RNF213: variants seen among roughly 807,000 people sequenced by gnomAD.
RNF213 encodes the protein ring finger protein 213, also known as E3 ubiquitin-protein ligase RNF213.
Under a neutral mutation model 514.4 loss-of-function variants are expected in RNF213, and 341 were observed. That is an observed-to-expected ratio of 0.66 (90% CI 0.61 to 0.73). RNF213 has a LOEUF of 0.73. Ranked by LOEUF, RNF213 falls within the 30% of genes least tolerant of loss-of-function variation. The pLI, the probability that RNF213 is intolerant of heterozygous loss-of-function variation, is 0.00. For missense variants in RNF213, 5,767 were observed against 6,615.6 expected, an observed-to-expected ratio of 0.87 and a Z score of 4.45; for synonymous variants, 2,655 against 2,658.2, an observed-to-expected ratio of 1.00 and a Z score of 0.04.
Position 80,306,298 on chromosome 17 carries a change from A to G in RNF213, c.2257A>G (p.Ile753Val). 1.2e-6 allele frequency: 2 copies of G among 1,614,132 alleles called. No homozygotes were observed. The highest frequency in any genetic ancestry group is 1.6e-4 in the Middle Eastern group (1 of 6,062). The change falls in exon 12 of 68, where the codon ATA becomes GTA. Residue 753 changes from isoleucine to valine, a missense_variant. Coordinates refer to ENST00000582970, the MANE Select transcript of RNF213 (RefSeq NM_001256071.3). ...GAGAGAGAAGCAGCATTTGCTGAGC[A>G]TAGACGAGCCTCTCTTCCGGTCCTG... The part of the protein sequence containing the change: ...FMREKQHLLS[I>V]DEPLFRSWFS...
chr17:80,294,895 G>A lies in RNF213; in HGVS notation c.1647G>A (p.Leu549=). Residue 549 remains leucine (L), a synonymous_variant, in exon 9 of 68, where the codon CTG becomes CTA. Coordinates refer to ENST00000582970, the MANE Select transcript of RNF213 (RefSeq NM_001256071.3). ...TGCAGACCTGGGACACCATCAACCT[G>A]AACAGCTTCTTCACCCAGTTCGAGC... The part of the protein sequence containing the change: ...SILQTWDTIN[L]NSFFTQFEQF... The A allele has an allele frequency of 6.2e-7, 1 of 1,614,200 alleles. No individual in the cohort carries two copies. Among genetic ancestry groups the A allele is most frequent in the African/African-American group, 1.3e-5 (1 of 75,042 alleles).
chr17:80,364,340 C>T (rs775188681), intron 41 of RNF213, 93 bp from the exon 42 acceptor site: 50 of 1,577,294 alleles, frequency 3.2e-5, no homozygotes, highest in Non-Finnish European at 4.0e-5. Context: ...GACCCCGGGT[C>T]CCGCATCTCT....
intron 59 of RNF213, among the ~76,000 whole-genome samples, chr17:80,384,536 C>A (rs1401092144): frequency 6.6e-6 from 1 of 152,190 alleles, no homozygotes; most frequent in Non-Finnish European, 1.5e-5. Flanking sequence ...GAGTTGGAAA[C>A]TTCTGTTGGT....
chr17:80,338,176 C>T (rs1055912324), intron 25 of RNF213, among the ~76,000 whole-genome samples, 179 bp downstream of exon 25: 9 of 152,070 alleles, frequency 5.9e-5, no homozygotes, highest in Non-Finnish European at 1.2e-4. Context: ...AACTCTAGTC[C>T]GCGGCCCCAG....
intron 37 of RNF213, among the ~76,000 whole-genome samples, chr17:80,359,586 G>GAGAA (rs1020015034): frequency 3.1e-5 from 4 of 130,204 alleles, no homozygotes; most frequent in Non-Finnish European, 5.0e-5. Flanking sequence ...AAGGAAGAAA[G>GAGAA]AGAAAGAAAG....
Position 80,345,152 on chromosome 17 carries a change from A to G in RNF213, c.6817A>G (p.Ser2273Gly). Residue 2273 changes from serine to glycine, a missense_variant, in exon 29 of 68, where the codon AGC (serine) becomes GGC (glycine). Ser to Gly is a moderately conservative substitution (Grantham distance 56). Around this residue, in one of 13 missense-constraint regions of RNF213, gnomAD observed 1,377 missense variants for 1,635.2 expected, o/e 0.84. Transcript: ENST00000582970. The surrounding 1 kb of genome is among the most constrained non-coding windows in gnomAD (Gnocchi z 6.0). ...ATPSLHTSDQ[S>G]PGKHMVTMDG... is the part of the protein sequence containing the mutation. ...ACCATCACTCCACACCTCTGACCAA[A>G]GCCCGGGGAAGCACATGGTCACCAT... 3.7e-6 allele frequency: 6 copies of G among 1,614,106 alleles called. No individual in the cohort carries two copies. Among genetic ancestry groups the G allele is most frequent in the Non-Finnish European group, 5.1e-6 (6 of 1,180,012 alleles).
At chr17:80,362,399 G>T in intron 39 of RNF213, among the ~76,000 whole-genome samples, 1 of 152,240 alleles carries the variant, frequency 6.6e-6, no homozygotes, top group South Asian at 2.1e-4. Context: ...ATGGGTAAAC[G>T]TTATAAAACA....
rs1445903027 is a variant in RNF213, at chr17:80,363,657, A to C, written c.11617A>C (p.Asn3873His). ...AMACTEMLTRNTLKPSPQAWL... is the reference protein window; with the variant it reads ...AMACTEMLTRHTLKPSPQAWL... ...GGCCTGCACGGAGATGCTGACAAGAAACACCCTGAAGCCCAGTCCCCAGGC... is the reference window on the plus strand; with the variant it reads ...GGCCTGCACGGAGATGCTGACAAGACACACCCTGAAGCCCAGTCCCCAGGC... Residue 3873 changes from asparagine to histidine, a missense_variant, in exon 41 of 68, where the codon AAC (asparagine) becomes CAC (histidine). Asn to His is a moderately conservative substitution (Grantham distance 68, BLOSUM62 1). Transcript: ENST00000582970. 2 of 1,614,094 alleles carry C rather than the reference A, an allele frequency of 1.2e-6. No homozygotes were observed. Among genetic ancestry groups the C allele is most frequent in the Admixed American group, 3.3e-5 (2 of 60,034 alleles).
chr17:80,297,459 A>G (rs1215671158), intron 10 of RNF213, among the ~76,000 whole-genome samples: 1 of 150,212 alleles, frequency 6.7e-6, no homozygotes, highest in African/African-American at 2.5e-5. Context: ...CAAAAAAAAA[A>G]AAAAGTTGTT....
chr17:80,361,507 G>C (rs1160661705), intron 38 of RNF213, among the ~76,000 whole-genome samples: 2 of 152,156 alleles, frequency 1.3e-5, no homozygotes, highest in African/African-American at 2.4e-5. Context: ...CTGGGCAACA[G>C]AGTAAGACTC....
At chr17:80,382,779 T>TA (rs2080073513) in intron 57 of RNF213, 200 bp from the exon 58 acceptor site, 2 of 527,846 alleles carry the variant, frequency 3.8e-6, no homozygotes, top group African/African-American at 3.9e-5. Context: ...GAGGAATTTT[T>TA]AGAGATTGAT....
chr17:80,306,158 G>A (rs1336710263), intron 11 of RNF213, 94 bp from the exon 12 acceptor site: 12 of 1,209,220 alleles, frequency 9.9e-6, no homozygotes, highest in African/African-American at 7.5e-5. Flanking sequence ...TTTTGAATTC[G>A]GGACTGTTTC....
At position 80,340,275 on chromosome 17, in the gene RNF213, C is replaced by T. The variant is rs1039530871; in HGVS notation, c.5908C>T (p.Pro1970Ser). ...CTACCTGGCAGGTCACTACCGGGTC[C>T]CGAAGCAGACCCTGTCGGCGGCAGC... The part of the protein sequence containing the change: ...QAYLAGHYRV[P>S]KQTLSAAAVF... The change falls in exon 26 of 68, where the codon CCG becomes TCG. Residue 1970 changes from proline (P) to serine (S), a missense_variant. Transcript: ENST00000582970. The T allele has an allele frequency of 4.3e-6, 7 of 1,613,996 alleles. No individual in the cohort carries two copies. Among genetic ancestry groups the T allele is most frequent in the South Asian group, 1.1e-5 (1 of 91,092 alleles).
Position 80,388,894 on chromosome 17 carries a change from T to C in RNF213, c.15000+205T>C, listed in dbSNP as rs1051563295. 16 of 634,114 alleles carry C rather than the reference T, an allele frequency of 2.5e-5. No individual in the cohort carries two copies. The South Asian group carries it at 2.9e-4, about 11-fold the overall frequency. 39.3% of individuals were successfully genotyped at this position (634,114 alleles called of 1,614,324 possible). On this transcript the variant is annotated intron_variant, in intron 64 of 67. Coordinates refer to ENST00000582970, the MANE Select transcript of RNF213 (RefSeq NM_001256071.3). ...GCAGATTGACATCTTGTGGGTTTGA[T>C]TCTTAGGAATGATGTTGATGCATGG...
At chr17:80,326,372 A>G (rs2046281866) in intron 18 of RNF213, among the ~76,000 whole-genome samples, 1 of 152,206 alleles carries the variant, frequency 6.6e-6, no homozygotes, top group East Asian at 1.9e-4. Flanking sequence ...GTTGTCATCT[A>G]TCTCTGCCAC....
chr17:80,274,444 C>G (rs534261528), intron 3 of RNF213, among the ~76,000 whole-genome samples: 1 of 148,430 alleles, frequency 6.7e-6, no homozygotes, highest in African/African-American at 2.5e-5. Context: ...TGTCAGCTCC[C>G]GGGTTTCTTG....
At chr17:80,369,087 T>C (rs1324404810) in intron 44 of RNF213, among the ~76,000 whole-genome samples, 1 of 152,206 alleles carries the variant, frequency 6.6e-6, no homozygotes, top group African/African-American at 2.4e-5. Context: ...GAGGAGTGAC[T>C]TGAATCTTTC....
In RNF213 at chr17:80,328,319, A is replaced by C; in HGVS notation, c.3368-9A>C. On this transcript the variant is annotated splice_polypyrimidine_tract_variant and intron_variant, in intron 19 of 67. Transcript: ENST00000582970. ...ATTGGGTTACTTTATTGGTGTTCTT[A>C]TTTTCCAGGGGAAAAAAGTCTTTCA... 1 of 1,533,920 alleles carries C rather than the reference A, an allele frequency of 6.5e-7. No individual in the cohort carries two copies. The highest frequency in any genetic ancestry group is 8.7e-7 in the Non-Finnish European group (1 of 1,144,974).
chr17:80,317,058 G>A lies in RNF213; in HGVS notation c.2812-130G>A. 1 of 990,684 alleles carries A rather than the reference G, an allele frequency of 1.0e-6. No homozygotes were observed. Among genetic ancestry groups the A allele is most frequent in the Admixed American group, 2.0e-5 (1 of 49,956 alleles). The allele number at this position is 990,684 out of a possible 1,614,324, so 61.4% of individuals were successfully genotyped here. On this transcript the variant is annotated intron_variant, in intron 15 of 67. Transcript: ENST00000582970. The surrounding 1 kb of genome is among the most constrained non-coding windows in gnomAD (Gnocchi z 4.1). ...ATGGCTGACTGTTGATGAAGGTTGG[G>A]GAGAGCCCTGGTGTTCGCGGAGTCC... is the stretch of plus-strand genomic sequence containing the variant.
Sources: gnomAD v4.1 joint callset for allele counts (sites outside exome capture counted in the v4.1 genomes callset) on GRCh38, gnomAD v4.1.1 for gene constraint, gnomAD v4.1.1 regional missense constraint, Gnocchi (gnomAD v3.1) non-coding constraint, MANE v1.5 for transcripts, NCBI Gene and HGNC (gene_info 2026-07-23, HGNC 2026-07-21) for gene names.